The following CASK variants were observed in gnomAD, a reference collection of about 807,000 sequenced individuals.
CASK encodes the protein calcium/calmodulin dependent serine protein kinase.
In CASK, 4 loss-of-function variants were observed where a neutral mutation model predicts 82.9. That is an observed-to-expected ratio of 0.05 (90% CI 0.02 to 0.11). CASK has a LOEUF of 0.11. CASK is among the 10% of genes least tolerant of loss of function. The pLI is 1.00. For synonymous variants in CASK, 259 were observed against 253.5 expected, an observed-to-expected ratio of 1.02 and a Z score of -0.20; for missense variants, 358 against 720.9, an observed-to-expected ratio of 0.50 and a Z score of 5.76.
In CASK at chrX:41,923,122, G is replaced by A; in HGVS notation, c.-134C>T. 3 of 477,712 alleles carry A rather than the reference G, an allele frequency of 6.3e-6. No homozygotes were observed. The highest frequency in any genetic ancestry group is 3.6e-5 in the Admixed American group (1 of 27,780). 39.4% of individuals were successfully genotyped at this position (477,712 alleles called of 1,213,427 possible). The stretch of plus-strand genomic sequence containing the variant: ...CGAGCCCTCGGTGCCGAGGACGCTC[G>A]AGTGGGGCCGCGAGGCCCAGAGACT... On this transcript the variant is annotated 5_prime_UTR_variant, in exon 1 of 27. Transcript: ENST00000378163.
intron 3 of CASK, among the ~76,000 whole-genome samples, chrX:41,747,595 C>G (rs2068711842): frequency 9.0e-6 from 1 of 111,470 alleles, no homozygotes; most frequent in Non-Finnish European, 1.9e-5. Flanking sequence ...CCCGCCACCA[C>G]GCCCGGCTAA....
intron 1 of CASK, among the ~76,000 whole-genome samples, chrX:41,896,017 G>C (rs1436231468): frequency 9.0e-6 from 1 of 111,397 alleles, no homozygotes; most frequent in African/African-American, 3.3e-5. Flanking sequence ...GGTTGAATCA[G>C]AGCCCCTGAA....
At chrX:41,705,233 A>T (rs1249658957) in intron 5 of CASK, among the ~76,000 whole-genome samples, 1 of 112,242 alleles carries the variant, frequency 8.9e-6, no homozygotes, top group African/African-American at 3.2e-5. Flanking sequence ...TAAGGAGGAG[A>T]GTGTGAGGGC....
intron 2 of CASK, among the ~76,000 whole-genome samples, chrX:41,809,115 C>T (rs781640171): frequency 2.7e-5 from 3 of 112,433 alleles, no homozygotes; most frequent in Non-Finnish European, 5.6e-5. Flanking sequence ...GTGGAGCCCA[C>T]CGCAGCTCAA....
At chrX:41,643,990 T>C (rs1485699085) in intron 8 of CASK, among the ~76,000 whole-genome samples, 4 of 112,110 alleles carry the variant, frequency 3.6e-5, no homozygotes, top group Non-Finnish European at 7.5e-5. Flanking sequence ...TGAAGCGCTG[T>C]TGAATTTTGT....
chrX:41,911,368 G>A (rs1223551953), intron 1 of CASK, among the ~76,000 whole-genome samples: 1 of 112,151 alleles, frequency 8.9e-6, no homozygotes, highest in East Asian at 2.8e-4. Flanking sequence ...TATTTCCATA[G>A]AAGTGATCTA....
chrX:41,758,435 C>CAAAAA (rs746659684), intron 3 of CASK, among the ~76,000 whole-genome samples: 1 of 43,504 alleles, frequency 2.3e-5, no homozygotes, highest in African/African-American at 9.9e-5. Context: ...GACTTCATCT[C>CAAAAA]AAAAAAAAAA....
At position 41,674,701 on chromosome X, in the gene CASK, T is replaced by TCA. The variant is rs2067242917; in HGVS notation, c.430-3172_430-3171insTG. On this transcript the variant is annotated intron_variant, in intron 5 of 26. Transcript: ENST00000378163. ...TGATAAATTTTGTGTTTAAACTTGG[T>TCA]AAAAGCCCATTAGCTGCCAAGAGGG... 2.7e-5 allele frequency among the ~76,000 whole-genome samples: 3 copies of TCA among 111,215 alleles called. No homozygotes were observed. In the Admixed American group the frequency reaches 2.9e-4, roughly 11 times the overall value.
At chrX:41,815,748 G>GT in intron 2 of CASK, among the ~76,000 whole-genome samples, 1 of 111,802 alleles carries the variant, frequency 8.9e-6, no homozygotes. Context: ...CAAATGTTAT[G>GT]TAAACTATAA....
chrX:41,763,767 A>G (rs1200110311), intron 3 of CASK, among the ~76,000 whole-genome samples: 1 of 111,731 alleles, frequency 9.0e-6, no homozygotes, highest in Non-Finnish European at 1.9e-5. Context: ...TCATCCTTCA[A>G]TTCTCAGTAT....
chrX:41,605,578 C>T (rs188708342), intron 12 of CASK, among the ~76,000 whole-genome samples: 47 of 111,345 alleles, frequency 4.2e-4, no homozygotes, highest in African/African-American at 1.3e-3. Context: ...AAACAAAAAA[C>T]AAACAACAAA....
At chrX:41,606,786 G>T (rs757902165) in intron 12 of CASK, among the ~76,000 whole-genome samples, 1 of 109,158 alleles carries the variant, frequency 9.2e-6, no homozygotes, top group Admixed American at 9.8e-5. Flanking sequence ...TTGAATTCCT[G>T]GGCTCAGGTG....
chrX:41,581,715 A>G (rs1222203195), intron 14 of CASK, among the ~76,000 whole-genome samples: 2 of 109,177 alleles, frequency 1.8e-5, no homozygotes, highest in African/African-American at 6.7e-5. Flanking sequence ...AGAAAGCCCC[A>G]GCATTTAAAA....
rs55730177 is a variant in CASK, at chrX:41,829,696, GATATATATATATATATATAT to G, written c.172+23399_172+23418del. Reference sequence around the variant, plus strand: ...CAGGGATGCAAATGCTAGGTCACAAGATATATATATATATATATATATATATATATATATATATATATATA... The same window carrying G: ...CAGGGATGCAAATGCTAGGTCACAAGATATATATATATATATATATATATA... On this transcript the variant is annotated intron_variant, in intron 2 of 26. Coordinates refer to ENST00000378163, the MANE Select transcript of CASK (RefSeq NM_001367721.1). Among the ~76,000 whole-genome samples the G allele has an allele frequency of 6.9e-3, 112 of 16,241 alleles. 2 individuals carry two copies. The highest frequency in any genetic ancestry group is 0.013 in the African/African-American group (68 of 5,197). The allele number at this position is 16,241 out of a possible 115,157, so 14.1% of individuals were successfully genotyped here.
intron 2 of CASK, among the ~76,000 whole-genome samples, chrX:41,827,455 A>T (rs1176531760): frequency 1.8e-5 from 2 of 112,099 alleles, no homozygotes; most frequent in Non-Finnish European, 3.8e-5. Context: ...CTGTGTCCTT[A>T]CATGGTAGTG....
chrX:41,823,091 T>A (rs1048723956), intron 2 of CASK, among the ~76,000 whole-genome samples: 2 of 109,428 alleles, frequency 1.8e-5, no homozygotes, highest in Non-Finnish European at 3.8e-5. Flanking sequence ...TCTCTTAACC[T>A]GCTATTACTA....
Position 41,516,524 on chromosome X carries a change from G to A in CASK, c.*3896C>T, listed in dbSNP as rs1424833714. Reference sequence around the variant, plus strand: ...CTTTTAATAGAAGAATTAATTAGAGGCGCAGAACAAGAAAGCCACGCTCAG... The same window carrying A: ...CTTTTAATAGAAGAATTAATTAGAGACGCAGAACAAGAAAGCCACGCTCAG... On this transcript the variant is annotated 3_prime_UTR_variant, in exon 27 of 27. Transcript: ENST00000378163. 4.4e-5 allele frequency: 5 copies of A among 112,554 alleles called. No individual in the cohort carries two copies. The highest frequency in any genetic ancestry group is 7.5e-5 in the Non-Finnish European group (4 of 53,353). The allele number at this position is 112,554 out of a possible 1,213,427, so 9.3% of individuals were successfully genotyped here.
intron 3 of CASK, among the ~76,000 whole-genome samples, chrX:41,756,429 T>A (rs2068897364): frequency 8.9e-6 from 1 of 111,938 alleles, no homozygotes; most frequent in Non-Finnish European, 1.9e-5. Flanking sequence ...CCATCAATAG[T>A]AGAATAGATA....
chrX:41,810,921 G>A (rs1345547714), intron 2 of CASK, among the ~76,000 whole-genome samples: 5 of 110,973 alleles, frequency 4.5e-5, no homozygotes, highest in Non-Finnish European at 7.6e-5. Flanking sequence ...AAAAAGGCAG[G>A]GGTTGCAATC....
Sources: gnomAD v4.1 joint callset for allele counts (sites outside exome capture counted in the v4.1 genomes callset) on GRCh38, gnomAD v4.1.1 for gene constraint, MANE v1.5 for transcripts, NCBI Gene and HGNC (gene_info 2026-07-23, HGNC 2026-07-21) for gene names.